FRYL: variants seen among roughly 807,000 people sequenced by gnomAD.
The protein encoded by FRYL is protein furry homolog-like.
FRYL carries 150 observed loss-of-function variants against 351.2 expected under a neutral mutation model. The observed-to-expected ratio is 0.43, with a 90% CI of 0.37 to 0.49. The LOEUF (loss-of-function observed/expected upper bound fraction) is 0.49. FRYL is among the 20% of genes least tolerant of loss of function. FRYL has a pLI of 0.00. For synonymous variants in FRYL, 1,153 were observed against 1,257.1 expected (o/e 0.92, Z 1.75); for missense variants, 3,036 against 3,619.3 (o/e 0.84, Z 4.13).
intron 3 of FRYL, among the ~76,000 whole-genome samples, chr4:48,667,923 C>T (rs1762023491): frequency 6.6e-6 from 1 of 152,214 alleles, no homozygotes; most frequent in African/African-American, 2.4e-5. Flanking sequence ...GCTGTGATTA[C>T]AGGCGAGAGC....
In FRYL at chr4:48,604,137, G is replaced by A. The variant is rs141498668; in HGVS notation, c.835-749C>T. Among the ~76,000 whole-genome samples the A allele has an allele frequency of 1.1e-3, 161 of 152,176 alleles. 1 individual carries two copies. Among genetic ancestry groups the A allele is most frequent in the African/African-American group, 3.7e-3 (154 of 41,512 alleles). On this transcript the variant is annotated intron_variant, in intron 11 of 63. Coordinates refer to ENST00000358350, the MANE Select transcript of FRYL (RefSeq NM_015030.2). Reference sequence around the variant, plus strand: ...TTCTGCACTAGCAATTAAAATCTACGGTACTAGGGAGTCTTTCCTATCATA... The same window carrying A: ...TTCTGCACTAGCAATTAAAATCTACAGTACTAGGGAGTCTTTCCTATCATA...
chr4:48,636,220 A>G (rs1394576557), intron 3 of FRYL, among the ~76,000 whole-genome samples: 2 of 152,116 alleles, frequency 1.3e-5, no homozygotes, highest in Non-Finnish European at 2.9e-5. Flanking sequence ...TGTATTATCA[A>G]AGAGGGAATC....
chr4:48,608,805 G>A (rs556580706), intron 9 of FRYL, among the ~76,000 whole-genome samples, 182 bp downstream of exon 9: 3 of 152,296 alleles, frequency 2.0e-5, no homozygotes, highest in Non-Finnish European at 2.9e-5. Context: ...AACAAGTGGT[G>A]AAATTGAGGT....
chr4:48,733,081 C>T (rs146445622), intron 1 of FRYL, among the ~76,000 whole-genome samples: 68 of 151,702 alleles, frequency 4.5e-4, no homozygotes, highest in African/African-American at 1.5e-3. Context: ...TTCGAGACCA[C>T]CTGGCCAACA....
chr4:48,651,213 CGT>C (rs10604700), intron 3 of FRYL, among the ~76,000 whole-genome samples: 18,486 of 104,670 alleles, frequency 0.18, 2,566 homozygotes, highest in Admixed American at 0.3. Context: ...CCACATGCAC[CGT>C]GTGTGTGTGT....
At chr4:48,594,049 CTAT>C in intron 15 of FRYL, 33 bp from the exon 16 acceptor site, 1 of 1,120,166 alleles carries the variant, frequency 8.9e-7, no homozygotes, top group Non-Finnish European at 1.3e-6. Flanking sequence ...TAACTTGCTA[CTAT>C]GTGTTAGGTA....
intron 3 of FRYL, chr4:48,681,214 T>C (rs749327432): frequency 6.7e-5 from 31 of 459,724 alleles, no homozygotes; most frequent in Non-Finnish European, 8.4e-5. Flanking sequence ...GTACACTATT[T>C]GTGTCAAAGA....
In FRYL at chr4:48,540,379, G is replaced by A. The variant is rs1311227704; in HGVS notation, c.6269C>T (p.Thr2090Ile). 10 of 1,613,664 alleles carry A rather than the reference G, an allele frequency of 6.2e-6. No individual in the cohort carries two copies. Among genetic ancestry groups the A allele is most frequent in the Non-Finnish European group, 2.5e-6 (3 of 1,179,698 alleles). Residue 2090 changes from threonine (T) to isoleucine (I), a missense_variant, in exon 46 of 64, where the codon ACA becomes ATA. By Grantham distance (89) the Thr-to-Ile change is moderately conservative. Coordinates refer to ENST00000358350, the MANE Select transcript of FRYL (RefSeq NM_015030.2). ...TGACAATTGGGAAGGATCCACCAAT[G>A]TATGTTTGGAGACAGAAATGAGTTT... ...LSKLISVSKH[T>I]LVDPSQLSGF...
At chr4:48,574,020 CT>C (rs1224388437) in intron 25 of FRYL, among the ~76,000 whole-genome samples, 3 of 152,020 alleles carry the variant, frequency 2.0e-5, no homozygotes, top group African/African-American at 7.2e-5. Context: ...CTGTGAACAA[CT>C]TTGTACATTT....
intron 27 of FRYL, among the ~76,000 whole-genome samples, chr4:48,569,440 G>A (rs1340114695): frequency 8.5e-5 from 13 of 152,258 alleles, no homozygotes; most frequent in Non-Finnish European, 1.8e-4. Flanking sequence ...CCGAGTAGCT[G>A]AGACTACAGG....
intron 3 of FRYL, among the ~76,000 whole-genome samples, chr4:48,645,723 AC>A (rs1468561810): frequency 1.3e-5 from 2 of 152,152 alleles, no homozygotes; most frequent in Non-Finnish European, 2.9e-5. Context: ...CTATTGCCTT[AC>A]CCTATTCTTC....
At chr4:48,661,374 G>A (rs1760683791) in intron 3 of FRYL, among the ~76,000 whole-genome samples, 1 of 152,066 alleles carries the variant, frequency 6.6e-6, no homozygotes, top group African/African-American at 2.4e-5. Context: ...CAAATAAGAG[G>A]AACACTACAA....
intron 3 of FRYL, among the ~76,000 whole-genome samples, chr4:48,668,882 C>T (rs1220929285): frequency 6.6e-6 from 1 of 152,160 alleles, no homozygotes; most frequent in East Asian, 1.9e-4. Context: ...GTGGGGTTAA[C>T]CCTTGGACTG....
At position 48,710,653 on chromosome 4, in the gene FRYL, AGTG is replaced by A. The variant is rs1767897068; in HGVS notation, c.-341_-339del. 1 of 398,422 alleles carries A rather than the reference AGTG, an allele frequency of 2.5e-6. No individual in the cohort carries two copies. Among genetic ancestry groups the A allele is most frequent in the Admixed American group, 4.4e-5 (1 of 22,712 alleles). The allele number at this position is 398,422 out of a possible 1,614,324, so 24.7% of individuals were successfully genotyped here. On this transcript the variant is annotated 5_prime_UTR_variant, in exon 2 of 64. Transcript: ENST00000358350. ...AGTGGGCACACTGGTACAAAGCAGT[AGTG>A]AGTGAGTCACCGTGTGTGAAGCAGA...
chr4:48,744,304 T>C (rs1476241323), intron 1 of FRYL, among the ~76,000 whole-genome samples: 1 of 151,968 alleles, frequency 6.6e-6, no homozygotes, highest in African/African-American at 2.4e-5. Flanking sequence ...GGTATATGAA[T>C]TACAGCTTAA....
chr4:48,715,794 CA>C (rs945549513), intron 1 of FRYL, among the ~76,000 whole-genome samples: 22 of 152,150 alleles, frequency 1.4e-4, no homozygotes, highest in African/African-American at 4.8e-4. Context: ...CATATGGAAC[CA>C]AAAAAGAGCC....
At position 48,614,721 on chromosome 4, in the gene FRYL, CAAA is replaced by C. The variant is rs1161734085; in HGVS notation, c.411+4550_411+4552del. ...TGGGCAACAGAGTGAGACTCCATCT[CAAA>C]AAAAAAAAAAAAAAAAAAAGAGAAA... On this transcript the variant is annotated intron_variant, in intron 7 of 63. Coordinates refer to ENST00000358350, the MANE Select transcript of FRYL (RefSeq NM_015030.2). Among the ~76,000 whole-genome samples, 87 of 47,124 alleles carry C rather than the reference CAAA, an allele frequency of 1.8e-3. No individual in the cohort carries two copies. The South Asian group carries it at 0.026, about 14-fold the overall frequency. 30.9% of individuals were successfully genotyped at this position (47,124 alleles called of 152,430 possible). A position where few individuals can be genotyped will look rare whatever the true frequency, so the allele number is the denominator to read the frequency against.
At chr4:48,762,297 A>C (rs917196974) in intron 1 of FRYL, among the ~76,000 whole-genome samples, 2 of 152,238 alleles carry the variant, frequency 1.3e-5, no homozygotes, top group East Asian at 3.8e-4. Context: ...ATCTTGACAC[A>C]TAGAGCCTAT....
intron 55 of FRYL, among the ~76,000 whole-genome samples, chr4:48,518,215 C>T (rs1724067849): frequency 6.6e-6 from 1 of 152,174 alleles, no homozygotes; most frequent in Admixed American, 6.5e-5. Flanking sequence ...TGTAGTTTGG[C>T]TTAATAACTA....
Sources: gnomAD v4.1 joint callset for allele counts (sites outside exome capture counted in the v4.1 genomes callset) on GRCh38, gnomAD v4.1.1 for gene constraint, MANE v1.5 for transcripts, NCBI Gene and HGNC (gene_info 2026-07-23, HGNC 2026-07-21) for gene names.